STX8: variants seen among roughly 807,000 people sequenced by gnomAD.
The protein encoded by STX8 is syntaxin-8.
In STX8, 23 loss-of-function variants were observed where a neutral mutation model predicts 37.5. The ratio of observed to expected loss-of-function variants is 0.61; its 90% CI spans 0.44 to 0.87. The LOEUF is 0.87. Among genes scored for constraint, STX8 ranks in the 40% least tolerant of loss-of-function variants. STX8 has a pLI of 0.00. For synonymous variants in STX8, 115 were observed against 99.1 expected, an observed-to-expected ratio of 1.16 and a Z score of -0.95; for missense variants, 313 against 284.7, an observed-to-expected ratio of 1.10 and a Z score of -0.71.
In STX8 at chr17:9,516,298, CATATATATATATATATATAT is replaced by C. The variant is rs150682084; in HGVS notation, c.324-11156_324-11137del. Among the ~76,000 whole-genome samples the C allele has an allele frequency of 1.7e-3, 89 of 51,744 alleles. 2 individuals carry two copies. Among genetic ancestry groups the C allele is most frequent in the South Asian group, 6.3e-3 (8 of 1,276 alleles). The allele number at this position is 51,744 out of a possible 152,430, so 33.9% of individuals were successfully genotyped here. ...AAAAATGACACATTAGAACCACAGT[CATATATATATATATATATAT>C]ATATATATATATATATATATATATA... On this transcript the variant is annotated intron_variant, in intron 4 of 7. Transcript: ENST00000306357.
chr17:9,337,579 C>T (rs747838187), intron 7 of STX8, among the ~76,000 whole-genome samples: 1 of 152,170 alleles, frequency 6.6e-6, no homozygotes, highest in Non-Finnish European at 1.5e-5. Flanking sequence ...GTTGGGCAGG[C>T]TGATCTCGAA....
Position 9,401,272 on chromosome 17 carries a change from T to C in STX8, c.542-22619A>G, listed in dbSNP as rs571418204. Among the ~76,000 whole-genome samples, 417 of 152,352 alleles carry C rather than the reference T, an allele frequency of 2.7e-3. 4 individuals carry two copies. The highest frequency in any genetic ancestry group is 5.0e-3 in the Admixed American group (76 of 15,300). On this transcript the variant is annotated intron_variant, in intron 6 of 7. Coordinates refer to ENST00000306357, the MANE Select transcript of STX8 (RefSeq NM_004853.3). ...TGTATCTCAACAAAACAGACTAGCT[T>C]TTTATGAAATTCATAAACTTATGTT... is the stretch of plus-strand genomic sequence containing the variant.
intron 4 of STX8, among the ~76,000 whole-genome samples, chr17:9,535,471 C>T (rs1003468448): frequency 2.4e-5 from 2 of 83,552 alleles, no homozygotes; most frequent in Non-Finnish European, 2.2e-5. Context: ...CTTGCTCTGT[C>T]ACCCAGGCTG....
At chr17:9,574,362 TAA>T (rs927009666) in intron 1 of STX8, among the ~76,000 whole-genome samples, 45 of 134,332 alleles carry the variant, frequency 3.3e-4, no homozygotes, top group African/African-American at 8.9e-4. Flanking sequence ...TATATATATA[TAA>T]AAATATAGAT....
chr17:9,335,018 G>A (rs1427208402), intron 7 of STX8, among the ~76,000 whole-genome samples: 1 of 152,030 alleles, frequency 6.6e-6, no homozygotes, highest in African/African-American at 2.4e-5. Context: ...CCTGGTCACC[G>A]CTTCGATCTG....
chr17:9,402,793 T>A (rs548124518), intron 6 of STX8, among the ~76,000 whole-genome samples: 2 of 152,134 alleles, frequency 1.3e-5, no homozygotes, highest in Non-Finnish European at 2.9e-5. Context: ...CAGAGGGCGA[T>A]AGAGGGAAAA....
In STX8 at chr17:9,494,137, T is replaced by G. The variant is rs1444911652; in HGVS notation, c.449-2216A>C. Among the ~76,000 whole-genome samples, 3 of 151,780 alleles carry G rather than the reference T, an allele frequency of 2.0e-5. No homozygotes were observed. The East Asian group carries it at 5.9e-4, about 30-fold the overall frequency. On this transcript the variant is annotated intron_variant, in intron 5 of 7. Transcript: ENST00000306357. The stretch of plus-strand genomic sequence containing the variant: ...TTCACGCCATTCTCCTGCCTCAGCC[T>G]CCCGAGTAGCTGGGACTACAGGCGC...
Position 9,395,654 on chromosome 17 carries a change from T to C in STX8, c.542-17001A>G, listed in dbSNP as rs1048196263. ...TAGGTCCTTTGGGTTTGTCCTGCTG[T>C]TCTTTATGTCAACTGTGAAGGCATC... On this transcript the variant is annotated intron_variant, in intron 6 of 7. Coordinates refer to ENST00000306357, the MANE Select transcript of STX8 (RefSeq NM_004853.3). Among the ~76,000 whole-genome samples, 6 of 152,206 alleles carry C rather than the reference T, an allele frequency of 3.9e-5. 1 individual carries two copies. The highest frequency in any genetic ancestry group is 1.4e-4 in the African/African-American group (6 of 41,458).
At chr17:9,260,288 A>C (rs998497242) in intron 7 of STX8, among the ~76,000 whole-genome samples, 1 of 151,918 alleles carries the variant, frequency 6.6e-6, no homozygotes, top group Non-Finnish European at 1.5e-5. Flanking sequence ...GCACCACTGC[A>C]CCTCAGCCTG....
At chr17:9,260,251 A>G (rs573297462) in intron 7 of STX8, among the ~76,000 whole-genome samples, 100 of 152,240 alleles carry the variant, frequency 6.6e-4, no homozygotes, top group Middle Eastern at 3.4e-3. Flanking sequence ...GGAGCCCAGG[A>G]GTTCGAGGCT....
chr17:9,365,177 T>C (rs1911191754), intron 7 of STX8, among the ~76,000 whole-genome samples: 1 of 152,256 alleles, frequency 6.6e-6, no homozygotes, highest in Admixed American at 6.5e-5. Flanking sequence ...TTTTTTTATG[T>C]GAATTTATTG....
intron 4 of STX8, among the ~76,000 whole-genome samples, chr17:9,518,985 G>C (rs1340343742): frequency 6.6e-6 from 1 of 152,076 alleles, no homozygotes; most frequent in Non-Finnish European, 1.5e-5. Flanking sequence ...TTCTGAACTA[G>C]GGGTGGGGAG....
At chr17:9,286,885 T>C (rs1908092661) in intron 7 of STX8, among the ~76,000 whole-genome samples, 1 of 152,136 alleles carries the variant, frequency 6.6e-6, no homozygotes. Flanking sequence ...GCTATGCCAC[T>C]GACCAGCTAC....
intron 6 of STX8, chr17:9,469,865 T>C (rs1241214635): frequency 6.6e-6 from 1 of 152,124 alleles, no homozygotes; most frequent in Non-Finnish European, 1.5e-5. Flanking sequence ...CCTCAAATTA[T>C]CCTGTTCAAA....
chr17:9,516,342 T>TATATAG (rs1905160970), intron 4 of STX8, among the ~76,000 whole-genome samples: 1 of 118,108 alleles, frequency 8.5e-6, no homozygotes, highest in Non-Finnish European at 1.8e-5. Flanking sequence ...TATATATATA[T>TATATAG]AGACACCTGT....
chr17:9,277,573 G>A (rs975139824), intron 7 of STX8, among the ~76,000 whole-genome samples: 13 of 152,130 alleles, frequency 8.5e-5, no homozygotes, highest in Admixed American at 8.5e-4. Context: ...GGAATTGACA[G>A]GCTAATGGGG....
At chr17:9,405,161 AT>A (rs1207973804) in intron 6 of STX8, among the ~76,000 whole-genome samples, 1 of 152,192 alleles carries the variant, frequency 6.6e-6, no homozygotes, top group African/African-American at 2.4e-5. Flanking sequence ...CAATGGTGTC[AT>A]TATTCTAGAC....
chr17:9,388,797 CTG>C (rs1410002897), intron 6 of STX8, among the ~76,000 whole-genome samples: 6 of 136,606 alleles, frequency 4.4e-5, no homozygotes, highest in African/African-American at 1.7e-4. Flanking sequence ...GAGCAAAACT[CTG>C]TCTCAAAAAA....
Position 9,360,380 on chromosome 17 carries a change from G to A in STX8, c.643+18172C>T, listed in dbSNP as rs1034251866. Reference sequence around the variant, plus strand: ...CTCCCGAGTAGCTGGGATTACAGTCGTGCACCACCACGCCCAGCTCATTTT... The same window carrying A: ...CTCCCGAGTAGCTGGGATTACAGTCATGCACCACCACGCCCAGCTCATTTT... On this transcript the variant is annotated intron_variant, in intron 7 of 7. Coordinates refer to ENST00000306357, the MANE Select transcript of STX8 (RefSeq NM_004853.3). Among the ~76,000 whole-genome samples, 31 of 151,446 alleles carry A rather than the reference G, an allele frequency of 2.0e-4. 1 individual carries two copies. The East Asian group carries it at 4.1e-3, about 20-fold the overall frequency.
Sources: gnomAD v4.1 joint callset for allele counts (sites outside exome capture counted in the v4.1 genomes callset) on GRCh38, gnomAD v4.1.1 for gene constraint, MANE v1.5 for transcripts, NCBI Gene and HGNC (gene_info 2026-07-23, HGNC 2026-07-21) for gene names.